Variants in BAIAP2L1 observed in about 807,000 individuals in gnomAD.
BAIAP2L1 encodes BAR/IMD domain-containing adapter protein 2-like 1.
In BAIAP2L1, 35 loss-of-function variants were observed where a neutral mutation model predicts 66.3. The observed-to-expected ratio is 0.53, with a 90% CI of 0.40 to 0.70. The LOEUF (loss-of-function observed/expected upper bound fraction) is 0.70, where lower values mean the gene tolerates loss of function less well. Among genes scored for constraint, BAIAP2L1 ranks in the 30% least tolerant of loss-of-function variants. The probability of loss-of-function intolerance (pLI) is 0.00; values close to 1 mark genes in which losing one functional copy is unlikely to be tolerated. For synonymous variants in BAIAP2L1, 269 were observed against 248.7 expected, an observed-to-expected ratio of 1.08 and a Z score of -0.77; for missense variants, 622 against 656.9, an observed-to-expected ratio of 0.95 and a Z score of 0.58.
At position 98,362,347 on chromosome 7, in the gene BAIAP2L1, A is replaced by C. The variant is rs1296153451; in HGVS notation, c.127+10T>G. ...CTTTATATATAATCAATTCAGAAAA[A>C]CAGACTTACCGTTTACAGCTTTCTC... On this transcript the variant is annotated intron_variant, in intron 2 of 13. Coordinates refer to ENST00000005260, the MANE Select transcript of BAIAP2L1 (RefSeq NM_018842.5). 1.9e-6 allele frequency: 3 copies of C among 1,592,814 alleles called. No homozygotes were observed. The Admixed American group carries it at 5.1e-5, about 27-fold the overall frequency.
At chr7:98,360,639 G>A (rs1181362129) in intron 2 of BAIAP2L1, among the ~76,000 whole-genome samples, 2 of 151,094 alleles carry the variant, frequency 1.3e-5, no homozygotes, top group Non-Finnish European at 1.5e-5. Flanking sequence ...AAAAAAAAAA[G>A]AGGCAGCTCA....
intron 9 of BAIAP2L1, chr7:98,309,273 GC>G (rs1304629209): frequency 6.6e-6 from 1 of 152,076 alleles, no homozygotes; most frequent in Non-Finnish European, 1.5e-5. Flanking sequence ...TCTTGCCTCA[GC>G]CTCCTGAACA....
rs188156455 is a variant in BAIAP2L1, at chr7:98,393,565, T to C, written c.51+7237A>G. ...CAGGCTGGAGTGCAGTGGCATGATC[T>C]CAGCTCACTGCAAGCTCCGCCTCCT... On this transcript the variant is annotated intron_variant, in intron 1 of 13. Transcript: ENST00000005260. Among the ~76,000 whole-genome samples, 408 of 152,008 alleles carry C rather than the reference T, an allele frequency of 2.7e-3. 2 individuals carry two copies. Among genetic ancestry groups the C allele is most frequent in the African/African-American group, 9.3e-3 (387 of 41,516 alleles).
intron 1 of BAIAP2L1, among the ~76,000 whole-genome samples, chr7:98,373,212 CAA>C (rs1360993347): frequency 6.6e-6 from 1 of 152,046 alleles, no homozygotes; most frequent in Non-Finnish European, 1.5e-5. Flanking sequence ...CAGATGGTCA[CAA>C]GAGTCATGCT....
chr7:98,321,834 C>T (rs1000546831), intron 3 of BAIAP2L1, among the ~76,000 whole-genome samples: 2 of 152,150 alleles, frequency 1.3e-5, no homozygotes, highest in South Asian at 2.1e-4. Flanking sequence ...TGGTGGCTCA[C>T]GCCTGTCATC....
chr7:98,294,659 C>T (rs918136540), intron 12 of BAIAP2L1, among the ~76,000 whole-genome samples: 1 of 152,214 alleles, frequency 6.6e-6, no homozygotes, highest in African/African-American at 2.4e-5. Context: ...TCCTCAGCCA[C>T]GGTCTTTTGA....
At position 98,317,406 on chromosome 7, in the gene BAIAP2L1, TCA is replaced by T. The variant is rs576204414; in HGVS notation, c.349-52_349-51del. 827 of 1,603,550 alleles carry T rather than the reference TCA, an allele frequency of 5.2e-4. 1 individual carries two copies. Among genetic ancestry groups the T allele is most frequent in the Non-Finnish European group, 6.5e-4 (765 of 1,176,094 alleles). On this transcript the variant is annotated intron_variant, in intron 5 of 13. Coordinates refer to ENST00000005260, the MANE Select transcript of BAIAP2L1 (RefSeq NM_018842.5). The stretch of plus-strand genomic sequence containing the variant: ...TTTTACTGTGGCACCACACGAATTG[TCA>T]CACAGTTTGCCTTTACTCACACTTC...
At chr7:98,300,304 T>A (rs1225817680) in intron 12 of BAIAP2L1, among the ~76,000 whole-genome samples, 1 of 152,138 alleles carries the variant, frequency 6.6e-6, no homozygotes, top group Non-Finnish European at 1.5e-5. Flanking sequence ...CACCAATGCG[T>A]CTGTAGGCTG....
At chr7:98,375,018 C>T (rs527890836) in intron 1 of BAIAP2L1, among the ~76,000 whole-genome samples, 7 of 151,980 alleles carry the variant, frequency 4.6e-5, no homozygotes, top group South Asian at 2.1e-4. Context: ...CCCCAGGAGG[C>T]GGAGGTTTCA....
At position 98,315,594 on chromosome 7, in the gene BAIAP2L1, A is replaced by C; in HGVS notation, c.505T>G (p.Ser169Ala). Residue 169 changes from serine to alanine, a missense_variant, in exon 7 of 14, where the codon TCT (serine) becomes GCT (alanine). Transcript: ENST00000005260. ...KEIEYVETVTSRQSEIQKFIA... is the reference protein window; with the variant it reads ...KEIEYVETVTARQSEIQKFIA... The stretch of plus-strand genomic sequence containing the variant: ...AATTTCTGGATTTCACTCTGACGAG[A>C]AGTAACGGTCTCCACATACTAAAAA... 6.9e-7 allele frequency: 1 copy of C among 1,450,628 alleles called. No individual in the cohort carries two copies. Among genetic ancestry groups the C allele is most frequent in the Non-Finnish European group, 9.2e-7 (1 of 1,091,488 alleles). The allele number at this position is 1,450,628 out of a possible 1,614,324, so 89.9% of individuals were successfully genotyped here.
intron 2 of BAIAP2L1, among the ~76,000 whole-genome samples, chr7:98,356,964 C>G (rs1425050788): frequency 1.7e-5 from 2 of 114,786 alleles, no homozygotes; most frequent in African/African-American, 6.8e-5. Context: ...CCACTGTACT[C>G]CAGCGTGGGC....
intron 3 of BAIAP2L1, among the ~76,000 whole-genome samples, chr7:98,353,259 C>T (rs1177737510): frequency 6.7e-6 from 1 of 148,954 alleles, no homozygotes; most frequent in African/African-American, 2.5e-5. Flanking sequence ...GAGGCCAAGG[C>T]AGGGGGAATC....
intron 1 of BAIAP2L1, among the ~76,000 whole-genome samples, chr7:98,391,687 C>T (rs1269899833): frequency 3.7e-5 from 5 of 135,212 alleles, no homozygotes; most frequent in South Asian, 2.4e-4. Context: ...CCAGCCTGGG[C>T]GACAGAGTGA....
rs1485018811 is a variant in BAIAP2L1 at position 98,310,518 on chromosome 7, G to C, written c.882C>G (p.Thr294=). The change falls in exon 9 of 14, where the codon ACC becomes ACG. Residue 294 remains threonine (T), a synonymous_variant. Transcript: ENST00000005260. The part of the protein sequence containing the change: ...MPPAPSGRAY[T]SPLIDMFNNP... ...TATTAAACATATCGATCAAGGGACT[G>C]GTATATGCTCTGCCTGAAGGAGCGG... The C allele has an allele frequency of 6.2e-7, 1 of 1,605,350 alleles. No homozygotes were observed. Among genetic ancestry groups the C allele is most frequent in the Non-Finnish European group, 8.5e-7 (1 of 1,177,334 alleles).
chr7:98,319,286 A>G (rs1801173350), intron 5 of BAIAP2L1, among the ~76,000 whole-genome samples: 1 of 152,182 alleles, frequency 6.6e-6, no homozygotes, highest in African/African-American at 2.4e-5. Flanking sequence ...GGACCTGGAT[A>G]AACCTGCTGA....
At chr7:98,305,684 A>G (rs1800629620) in intron 11 of BAIAP2L1, among the ~76,000 whole-genome samples, 1 of 152,114 alleles carries the variant, frequency 6.6e-6, no homozygotes, top group Non-Finnish European at 1.5e-5. Context: ...CCATCTCCCA[A>G]AGTGCTGGGA....
At chr7:98,386,409 G>A in intron 1 of BAIAP2L1, 1 of 1,592,032 alleles carries the variant, frequency 6.3e-7, no homozygotes. Context: ...GAGACCATCA[G>A]ATGCAATTTT....
chr7:98,310,703 T>TA (rs397837701), intron 8 of BAIAP2L1, 111 bp from the exon 9 acceptor site: 41 of 922,862 alleles, frequency 4.4e-5, no homozygotes, highest in African/African-American at 1.9e-4. Flanking sequence ...TTTATTTATT[T>TA]TGAGACAGAG....
chr7:98,368,181 G>A (rs1286348460), intron 1 of BAIAP2L1, among the ~76,000 whole-genome samples: 1 of 152,090 alleles, frequency 6.6e-6, no homozygotes, highest in East Asian at 1.9e-4. Flanking sequence ...CATTTTGGGA[G>A]GCCAAGTTGG....
Sources: gnomAD v4.1 joint callset for allele counts (sites outside exome capture counted in the v4.1 genomes callset) on GRCh38, gnomAD v4.1.1 for gene constraint, MANE v1.5 for transcripts, NCBI Gene and HGNC (gene_info 2026-07-23, HGNC 2026-07-21) for gene names.